Variants in COL4A4 observed in about 807,000 individuals in gnomAD.
The protein encoded by COL4A4 is collagen alpha-4(IV) chain.
Under a neutral mutation model 192.9 loss-of-function variants are expected in COL4A4, and 105 were observed. The observed-to-expected ratio is 0.54, with a 90% CI of 0.46 to 0.64. COL4A4 has a LOEUF of 0.64. Among genes scored for constraint, COL4A4 ranks in the 30% least tolerant of loss-of-function variants. The probability of loss-of-function intolerance (pLI) is 0.00; values close to 1 mark genes in which losing one functional copy is unlikely to be tolerated. For missense variants in COL4A4, 1,967 were observed against 2,169.3 expected, an observed-to-expected ratio of 0.91 and a Z score of 1.85; for synonymous variants, 762 against 769.9, an observed-to-expected ratio of 0.99 and a Z score of 0.17.
chr2:227,014,702 A>C (rs573848406), intron 44 of COL4A4, among the ~76,000 whole-genome samples: 17 of 151,608 alleles, frequency 1.1e-4, no homozygotes, highest in Admixed American at 3.9e-4. Context: ...CTGCTCTTTT[A>C]TTTCTTTTGT....
At chr2:227,162,206 C>T (rs1301440023) in intron 1 of COL4A4, among the ~76,000 whole-genome samples, 1 of 152,204 alleles carries the variant, frequency 6.6e-6, no homozygotes, top group Non-Finnish European at 1.5e-5. Context: ...CTTTCCAGCT[C>T]TGTATCTGCA....
intron 27 of COL4A4, 60 bp downstream of exon 27, chr2:227,060,076 G>T (rs1296495295): frequency 6.2e-6 from 6 of 973,842 alleles, no homozygotes; most frequent in East Asian, 2.9e-5. Flanking sequence ...ATGTTAAAAA[G>T]TTCCTGATAG....
At chr2:227,097,564 A>G (rs1377323414) in intron 19 of COL4A4, among the ~76,000 whole-genome samples, 3 of 152,182 alleles carry the variant, frequency 2.0e-5, no homozygotes, top group African/African-American at 4.8e-5. Flanking sequence ...GTTACTTACT[A>G]TTAGATCTTC....
At chr2:227,157,617 CTTA>C (rs1025342810) in intron 1 of COL4A4, among the ~76,000 whole-genome samples, 36 of 151,902 alleles carry the variant, frequency 2.4e-4, no homozygotes, top group Admixed American at 1.8e-3. Context: ...AGAGAATCTT[CTTA>C]TAATTATATG....
At chr2:226,995,363 G>A in the COL4A4 span, 1 of 949,880 alleles carries the variant, frequency 1.1e-6, no homozygotes, top group Non-Finnish European at 1.7e-6. Flanking sequence ...TGTTCCCTTG[G>A]AATCCTAGGG....
rs1961624389 is a variant in COL4A4, at chr2:227,004,367, CAG to C, written c.*2956_*2957del. ...GTCGAAGAGGTGCTGGGAGTGTCTG[CAG>C]AGCTGCACACAGTTCATCATGACAG... is the stretch of plus-strand genomic sequence containing the variant. On this transcript the variant is annotated 3_prime_UTR_variant, in exon 48 of 48. Transcript: ENST00000396625. The C allele has an allele frequency of 6.6e-6, 1 of 152,334 alleles. No individual in the cohort carries two copies. Among genetic ancestry groups the C allele is most frequent in the East Asian group, 1.9e-4 (1 of 5,192 alleles). 9.4% of individuals were successfully genotyped at this position (152,334 alleles called of 1,614,324 possible). A position where few individuals can be genotyped will look rare whatever the true frequency, so the allele number is the denominator to read the frequency against.
At chr2:227,043,970 A>G (rs1007795149) in intron 35 of COL4A4, among the ~76,000 whole-genome samples, 2 of 152,234 alleles carry the variant, frequency 1.3e-5, no homozygotes, top group African/African-American at 2.4e-5. Flanking sequence ...AGAATCACCC[A>G]TAACATCTAA....
intron 25 of COL4A4, among the ~76,000 whole-genome samples, chr2:227,064,468 A>AGTTATTGAG (rs2058171596): frequency 6.6e-6 from 1 of 152,238 alleles, no homozygotes; most frequent in Non-Finnish European, 1.5e-5. Context: ...AATTTGAGGC[A>AGTTATTGAG]GTTATTGAGG....
Position 227,080,482 on chromosome 2 carries a change from C to T in COL4A4, c.1764G>A (p.Arg588=). ...GFPGQPGSHG[R]DGHAGEKGDP... ...CCCCTTTTTCTCCAGCATGTCCATC[C>T]CGACCATGTGATCCTGGCTGCCCTG... is the stretch of plus-strand genomic sequence containing the variant. The change falls in exon 24 of 48, where the codon CGG becomes CGA. Residue 588 remains arginine (R), a synonymous_variant. Transcript: ENST00000396625. The T allele has an allele frequency of 6.2e-7, 1 of 1,614,090 alleles. No individual in the cohort carries two copies. The highest frequency in any genetic ancestry group is 8.5e-7 in the Non-Finnish European group (1 of 1,180,032).
intron 44 of COL4A4, among the ~76,000 whole-genome samples, chr2:227,017,843 G>C (rs546659896): frequency 2.6e-5 from 4 of 152,188 alleles, no homozygotes; most frequent in African/African-American, 9.6e-5. Flanking sequence ...TGTGAAGTTT[G>C]TTACATAGGT....
At chr2:227,151,442 CGATCCTTTCTACTGA>C (rs2063938191) in intron 1 of COL4A4, among the ~76,000 whole-genome samples, 1 of 152,098 alleles carries the variant, frequency 6.6e-6, no homozygotes, top group Admixed American at 6.6e-5. Flanking sequence ...TCAAGATCAA[CGATCCTTTCTACTGA>C]AATGAGACAG....
rs1053152794 is a variant in COL4A4 at position 227,008,194 on chromosome 2, T to A, written c.4633A>T (p.Ser1545Cys). The A allele has an allele frequency of 6.2e-7, 1 of 1,614,076 alleles. No homozygotes were observed. Among genetic ancestry groups the A allele is most frequent in the Non-Finnish European group, 8.5e-7 (1 of 1,180,026 alleles). The change falls in exon 47 of 48, where the codon AGC becomes TGC. Residue 1545 changes from serine (S) to cysteine (C), a missense_variant. Ser to Cys is a moderately radical substitution (Grantham distance 112). Transcript: ENST00000396625. ...QRNDRSYWLA[S>C]AAPLPMMPLS... ...GGCATCATGGGGAGGGGCGCAGCGC[T>A]GGCCAGCCAGTAGGATCTGTCGTTT...
At chr2:227,096,519 T>C (rs1440643771) in intron 19 of COL4A4, among the ~76,000 whole-genome samples, 1 of 152,174 alleles carries the variant, frequency 6.6e-6, no homozygotes, top group Non-Finnish European at 1.5e-5. Context: ...CCTCGAACAA[T>C]CCTGCAAAGT....
intron 22 of COL4A4, 89 bp downstream of exon 22, chr2:227,088,564 A>C: frequency 2.0e-6 from 3 of 1,491,556 alleles, no homozygotes; most frequent in Non-Finnish European, 2.8e-6. Flanking sequence ...TAAATTACCT[A>C]GTCTTGGGTA....
intron 41 of COL4A4, 85 bp from the exon 42 acceptor site, chr2:227,028,094 G>T: frequency 1.0e-6 from 1 of 964,004 alleles, no homozygotes; most frequent in Non-Finnish European, 1.6e-6. Context: ...TGAATTCAGA[G>T]ATTCACTCCA....
chr2:227,064,673 C>A (rs1045474292), intron 25 of COL4A4, among the ~76,000 whole-genome samples: 1 of 152,208 alleles, frequency 6.6e-6, no homozygotes, highest in Non-Finnish European at 1.5e-5. Context: ...ACCTATCAGA[C>A]TTATAGCAGA....
chr2:227,114,835 C>A, intron 7 of COL4A4, 139 bp from the exon 8 acceptor site: 1 of 722,086 alleles, frequency 1.4e-6, no homozygotes, highest in South Asian at 1.7e-5. Flanking sequence ...TCTGTATCCT[C>A]TTCCATATTA....
At chr2:227,074,852 G>A (rs1175388648) in intron 25 of COL4A4, among the ~76,000 whole-genome samples, 1 of 152,134 alleles carries the variant, frequency 6.6e-6, no homozygotes, top group Non-Finnish European at 1.5e-5. Context: ...GGTAAGTGAT[G>A]AGTATGCAAA....
intron 4 of COL4A4, among the ~76,000 whole-genome samples, chr2:227,136,458 G>A (rs1317303020): frequency 6.6e-6 from 1 of 152,212 alleles, no homozygotes; most frequent in Non-Finnish European, 1.5e-5. Context: ...AACTGCTGCA[G>A]CTGGAGAGGG....
Sources: gnomAD v4.1 joint callset for allele counts (sites outside exome capture counted in the v4.1 genomes callset) on GRCh38, gnomAD v4.1.1 for gene constraint, MANE v1.5 for transcripts, NCBI Gene and HGNC (gene_info 2026-07-23, HGNC 2026-07-21) for gene names.